CEP192: variants seen among roughly 807,000 people sequenced by gnomAD.
CEP192 encodes centrosomal protein of 192 kDa.
Under a neutral mutation model 271.8 loss-of-function variants are expected in CEP192, and 151 were observed. That is an observed-to-expected ratio of 0.56 (90% CI 0.49 to 0.64). CEP192 has a LOEUF of 0.64. Ranked by LOEUF, CEP192 falls within the 30% of genes least tolerant of loss-of-function variation. CEP192 has a pLI of 0.00. For synonymous variants in CEP192, 995 were observed against 1,076.5 expected, an observed-to-expected ratio of 0.92 and a Z score of 1.48; for missense variants, 2,910 against 3,020.5, an observed-to-expected ratio of 0.96 and a Z score of 0.86.
chr18:13,115,568 G>A (rs1302019241), intron 42 of CEP192, among the ~76,000 whole-genome samples: 1 of 152,108 alleles, frequency 6.6e-6, no homozygotes, highest in African/African-American at 2.4e-5. Flanking sequence ...AGAAGGAGGT[G>A]AGGAGGGGCT....
At chr18:13,042,165 G>T in intron 14 of CEP192, 39 bp from the exon 15 acceptor site, 1 of 1,563,876 alleles carries the variant, frequency 6.4e-7, no homozygotes, top group Non-Finnish European at 8.8e-7. Flanking sequence ...TTGTCAAATA[G>T]TGTATACTTA....
At chr18:13,000,877 C>G (rs1018519976) in intron 2 of CEP192, among the ~76,000 whole-genome samples, 2 of 152,176 alleles carry the variant, frequency 1.3e-5, no homozygotes, top group African/African-American at 4.8e-5. Flanking sequence ...CGCTTGAACC[C>G]GGAAGGCAGA....
chr18:13,117,793 G>T, intron 44 of CEP192, 150 bp downstream of exon 44: 1 of 577,348 alleles, frequency 1.7e-6, no homozygotes, highest in Non-Finnish European at 3.1e-6. Flanking sequence ...GCAAGTAGAA[G>T]CAGAGAAAAG....
At chr18:13,121,383 C>T (rs2040650907) in intron 44 of CEP192, among the ~76,000 whole-genome samples, 1 of 152,204 alleles carries the variant, frequency 6.6e-6, no homozygotes, top group African/African-American at 2.4e-5. Flanking sequence ...CCTGGTGGGG[C>T]TGCTCTCCGA....
chr18:13,016,626 G>A (rs1328660377), intron 6 of CEP192, among the ~76,000 whole-genome samples: 4 of 152,214 alleles, frequency 2.6e-5, no homozygotes, highest in African/African-American at 9.6e-5. Flanking sequence ...TAGGTGATGA[G>A]TGTTGTTGAG....
At chr18:13,117,540 A>G in intron 43 of CEP192, 45 bp from the exon 44 acceptor site, 2 of 1,388,822 alleles carry the variant, frequency 1.4e-6, no homozygotes, top group South Asian at 1.2e-5. Context: ...ATGCTAAAAG[A>G]TCTAATTTTC....
intron 40 of CEP192, 87 bp from the exon 41 acceptor site, chr18:13,113,499 T>C: frequency 7.4e-7 from 1 of 1,347,738 alleles, no homozygotes; most frequent in Non-Finnish European, 1.0e-6. Flanking sequence ...TTTAATTTTT[T>C]TCATACCAAA....
chr18:13,017,538 G>A (rs1471139306), intron 7 of CEP192, among the ~76,000 whole-genome samples: 3 of 150,268 alleles, frequency 2.0e-5, no homozygotes, highest in East Asian at 2.0e-4. Flanking sequence ...AATTAAAGGA[G>A]TAACACAATG....
chr18:13,078,618 C>T (rs80307004), intron 30 of CEP192, among the ~76,000 whole-genome samples: 1 of 152,068 alleles, frequency 6.6e-6, no homozygotes, highest in African/African-American at 2.4e-5. Flanking sequence ...TTTTAATGAT[C>T]GCCATTCTTT....
intron 8 of CEP192, among the ~76,000 whole-genome samples, 192 bp downstream of exon 8, chr18:13,018,807 G>A (rs551022377): frequency 1.1e-3 from 163 of 152,200 alleles, no homozygotes; most frequent in Non-Finnish European, 1.6e-3. Context: ...TAGAAATACC[G>A]TAGTATATAT....
chr18:13,038,659 A>AAT (rs2036038202), intron 13 of CEP192, 80 bp downstream of exon 13: 2 of 1,098,350 alleles, frequency 1.8e-6, no homozygotes, highest in African/African-American at 3.1e-5. Flanking sequence ...GTGACTTTAA[A>AAT]ATGGAGATAG....
chr18:13,019,073 T>A lies in CEP192; in HGVS notation c.926-9T>A. 6.6e-7 allele frequency: 1 copy of A among 1,525,476 alleles called. No homozygotes were observed. Among genetic ancestry groups the A allele is most frequent in the Non-Finnish European group, 8.8e-7 (1 of 1,138,112 alleles). The allele number at this position is 1,525,476 out of a possible 1,614,324, so 94.5% of individuals were successfully genotyped here. On this transcript the variant is annotated splice_polypyrimidine_tract_variant and intron_variant, in intron 8 of 44. Transcript: ENST00000506447. ...GTGGCTCCTTTAACATTTTTCTTTATTTTTTCAGGTAATTCTATAGGTACT... is the reference window on the plus strand; with the variant it reads ...GTGGCTCCTTTAACATTTTTCTTTAATTTTTCAGGTAATTCTATAGGTACT...
At chr18:13,099,718 T>G in intron 37 of CEP192, 137 bp downstream of exon 37, 2 of 553,406 alleles carry the variant, frequency 3.6e-6, no homozygotes, top group Non-Finnish European at 6.4e-6. Flanking sequence ...GGGTTCCACT[T>G]CCAGGGATTC....
chr18:13,008,747 A>C, intron 4 of CEP192, 116 bp downstream of exon 4: 1 of 762,086 alleles, frequency 1.3e-6, no homozygotes, highest in East Asian at 2.8e-5. Flanking sequence ...CCTGTCGCCC[A>C]GGCTGGAGTG....
intron 17 of CEP192, among the ~76,000 whole-genome samples, chr18:13,050,839 C>CA (rs747312755): frequency 3.9e-5 from 6 of 152,192 alleles, no homozygotes; most frequent in Non-Finnish European, 7.4e-5. Flanking sequence ...CTCGGCCTCC[C>CA]AACGTGCTGG....
chr18:13,124,022 C>A (rs1050675366), intron 44 of CEP192, among the ~76,000 whole-genome samples: 17 of 151,778 alleles, frequency 1.1e-4, no homozygotes, highest in African/African-American at 4.1e-4. Flanking sequence ...TAGCTGGGTG[C>A]GGTGATGGGC....
chr18:13,073,160 G>T lies in CEP192; in HGVS notation c.5591G>T (p.Arg1864Leu). The T allele has an allele frequency of 6.2e-7, 1 of 1,611,704 alleles. No individual in the cohort carries two copies. Residue 1864 changes from arginine to leucine, a missense_variant, in exon 30 of 45, where the codon CGA becomes CTA. Physicochemically the swap from Arg to Leu is moderately radical, Grantham distance 102. Coordinates refer to ENST00000506447, the MANE Select transcript of CEP192 (RefSeq NM_032142.4). ...CTAGAAATCAAACAACTTGGAAATCGATCACAACCAGGCATTAAGTTCACA... is the reference window on the plus strand; with the variant it reads ...CTAGAAATCAAACAACTTGGAAATCTATCACAACCAGGCATTAAGTTCACA... ...ARLEIKQLGN[R>L]SQPGIKFTIP...
intron 20 of CEP192, chr18:13,058,350 G>C (rs1284030979): frequency 6.6e-6 from 1 of 152,330 alleles, no homozygotes; most frequent in East Asian, 1.9e-4. Context: ...CAGCTGTTTT[G>C]AAATGTCCCA....
intron 40 of CEP192, among the ~76,000 whole-genome samples, chr18:13,111,874 T>C (rs2040225733): frequency 6.6e-6 from 1 of 152,188 alleles, no homozygotes; most frequent in Non-Finnish European, 1.5e-5. Flanking sequence ...GAGAAGATGC[T>C]TAGAATTCCT....
Sources: allele counts gnomAD v4.1 joint callset (sites outside exome capture counted in the v4.1 genomes callset), GRCh38; gene constraint gnomAD v4.1.1; transcripts MANE v1.5; gene names NCBI Gene and HGNC (gene_info 2026-07-23, HGNC 2026-07-21).